Variants in ACBD6 observed in about 807,000 individuals in gnomAD.
The protein encoded by ACBD6 is acyl-CoA binding domain containing 6.
ACBD6 carries 28 observed loss-of-function variants against 37.2 expected under a neutral mutation model. The ratio of observed to expected loss-of-function variants is 0.75; its 90% CI spans 0.56 to 1.03. The LOEUF (loss-of-function observed/expected upper bound fraction) is 1.03. Among genes scored for constraint, ACBD6 ranks in the 50% least tolerant of loss-of-function variants. The pLI, the probability that ACBD6 is intolerant of heterozygous loss-of-function variation, is 0.00. For synonymous variants in ACBD6, 113 were observed against 126.8 expected, an observed-to-expected ratio of 0.89 and a Z score of 0.73; for missense variants, 340 against 337.4, an observed-to-expected ratio of 1.01 and a Z score of -0.06.
chr1:180,393,212 T>C (rs1420996229), intron 6 of ACBD6, among the ~76,000 whole-genome samples: 4 of 152,198 alleles, frequency 2.6e-5, no homozygotes, highest in African/African-American at 4.8e-5. Flanking sequence ...GTATCCATAA[T>C]ACTGTCAGAT....
chr1:180,279,453 C>T (rs923863835), intron 9 of ACBD6, among the ~76,000 whole-genome samples: 15 of 152,060 alleles, frequency 9.9e-5, no homozygotes, highest in Middle Eastern at 3.2e-3. Flanking sequence ...TGCGCAAACA[C>T]GCCTGGCTAA....
At chr1:180,405,213 C>T (rs1275309117) in intron 5 of ACBD6, among the ~76,000 whole-genome samples, 2 of 152,124 alleles carry the variant, frequency 1.3e-5, no homozygotes, top group South Asian at 2.1e-4. Context: ...TTTTCTGTTA[C>T]TTAGTACTGT....
chr1:180,467,821 T>A (rs1237458633), intron 3 of ACBD6, among the ~76,000 whole-genome samples: 1 of 13,366 alleles, frequency 7.5e-5, no homozygotes, highest in Admixed American at 9.2e-4. Flanking sequence ...CCTATTGAGA[T>A]CCATTTAGAT....
At chr1:180,456,262 T>C (rs1448500899) in intron 3 of ACBD6, among the ~76,000 whole-genome samples, 1 of 149,104 alleles carries the variant, frequency 6.7e-6, no homozygotes, top group African/African-American at 2.5e-5. Flanking sequence ...ATTCTCAAAG[T>C]AGACAGATTT....
At chr1:180,482,470 A>T (rs532481791) in intron 3 of ACBD6, among the ~76,000 whole-genome samples, 1 of 152,138 alleles carries the variant, frequency 6.6e-6, no homozygotes, top group South Asian at 2.1e-4. Context: ...TAATAATAAG[A>T]TCCCGAGTAA....
chr1:180,484,844 T>C (rs1651196831), intron 3 of ACBD6, among the ~76,000 whole-genome samples: 1 of 151,908 alleles, frequency 6.6e-6, no homozygotes, highest in Admixed American at 6.6e-5. Flanking sequence ...GGCGGGTGGA[T>C]CATGAGGTCA....
chr1:180,417,816 C>T (rs1283605043), intron 4 of ACBD6, among the ~76,000 whole-genome samples: 3 of 152,196 alleles, frequency 2.0e-5, no homozygotes, highest in Admixed American at 6.5e-5. Context: ...AAAGCTGGCA[C>T]TGCACACTAT....
chr1:180,501,695 T>C (rs1183056655), intron 1 of ACBD6, among the ~76,000 whole-genome samples: 1 of 152,204 alleles, frequency 6.6e-6, no homozygotes, highest in Non-Finnish European at 1.5e-5. Flanking sequence ...TTTACTTCCA[T>C]GTGGCCCTCT....
At chr1:180,271,315 G>T (rs538820952) in exon 14 of ACBD6, 1 of 1,569,314 alleles carries the variant, frequency 6.4e-7, no homozygotes, top group South Asian at 1.1e-5. Context: ...GGAAGGGAGG[G>T]TGTGGGAGGA....
intron 3 of ACBD6, among the ~76,000 whole-genome samples, chr1:180,466,465 T>C (rs1650350138): frequency 6.6e-6 from 1 of 152,222 alleles, no homozygotes; most frequent in Non-Finnish European, 1.5e-5. Context: ...TAATATTTAC[T>C]GTTTGGTAGG....
chr1:180,496,242 T>C (rs1041302754), intron 1 of ACBD6, among the ~76,000 whole-genome samples: 5 of 152,230 alleles, frequency 3.3e-5, no homozygotes, highest in Non-Finnish European at 7.3e-5. Flanking sequence ...GAATTCACTA[T>C]ACAGGCCCTG....
chr1:180,358,451 A>ACAAC (rs1322504022), intron 6 of ACBD6, among the ~76,000 whole-genome samples: 2 of 149,282 alleles, frequency 1.3e-5, no homozygotes, highest in African/African-American at 4.9e-5. Context: ...CAACAACAAA[A>ACAAC]AAAAAAAACC....
At chr1:180,370,763 G>C (rs7533389) in intron 6 of ACBD6, among the ~76,000 whole-genome samples, 6,847 of 151,992 alleles carry the variant, frequency 0.045, 229 homozygotes, top group South Asian at 0.09. Flanking sequence ...TCAAACTCAG[G>C]TATACAAATG....
At chr1:180,437,693 A>G (rs1649101746) in intron 3 of ACBD6, among the ~76,000 whole-genome samples, 1 of 152,242 alleles carries the variant, frequency 6.6e-6, no homozygotes, top group Non-Finnish European at 1.5e-5. Context: ...TAGGTCTGAC[A>G]GAGACAGACA....
At chr1:180,306,266 C>G (rs896973835) in intron 7 of ACBD6, among the ~76,000 whole-genome samples, 1 of 150,936 alleles carries the variant, frequency 6.6e-6, no homozygotes, top group African/African-American at 2.4e-5. Context: ...AAAAAACAAA[C>G]AAAACCAACC....
rs767583532 is a variant in ACBD6, at chr1:180,393,562, T to C, written c.663+3954A>G. On this transcript the variant is annotated intron_variant, in intron 6 of 7. Coordinates refer to ENST00000367595, the MANE Select transcript of ACBD6 (RefSeq NM_032360.4). ...CAATAATAATGTTGTTTAAGAAATA[T>C]AGAGTCATGAGGAGATGAACCTTTC... Among the ~76,000 whole-genome samples the C allele has an allele frequency of 5.4e-4, 82 of 152,204 alleles. 1 individual carries two copies. Among genetic ancestry groups the C allele is most frequent in the Non-Finnish European group, 1.0e-3 (70 of 68,032 alleles).
At chr1:180,402,829 A>G (rs2101959282) in intron 5 of ACBD6, among the ~76,000 whole-genome samples, 1 of 152,248 alleles carries the variant, frequency 6.6e-6, no homozygotes, top group African/African-American at 2.4e-5. Flanking sequence ...CTTCACAAGA[A>G]ATTACTAAGC....
At chr1:180,491,373 A>C (rs1651496582) in intron 3 of ACBD6, among the ~76,000 whole-genome samples, 1 of 152,210 alleles carries the variant, frequency 6.6e-6, no homozygotes, top group African/African-American at 2.4e-5. Context: ...CCTCACCTTT[A>C]TTAAATTCTT....
intron 3 of ACBD6, among the ~76,000 whole-genome samples, chr1:180,487,022 A>G (rs536030153): frequency 5.0e-5 from 7 of 141,034 alleles, no homozygotes; most frequent in Non-Finnish European, 7.4e-5. Flanking sequence ...CAAGAAAGGG[A>G]AAAAAAAATG....
Sources: gnomAD v4.1 joint callset for allele counts (sites outside exome capture counted in the v4.1 genomes callset) on GRCh38, gnomAD v4.1.1 for gene constraint, MANE v1.5 for transcripts, NCBI Gene and HGNC (gene_info 2026-07-23, HGNC 2026-07-21) for gene names.